Variants in SYNPR observed in about 807,000 individuals in gnomAD.
SYNPR encodes synaptoporin.
A neutral mutation model predicts 32.9 loss-of-function variants in SYNPR; 23 were observed. The observed-to-expected ratio is 0.70, with a 90% CI of 0.50 to 0.99. The LOEUF is 0.99. Ranked by LOEUF, SYNPR falls within the 50% of genes least tolerant of loss-of-function variation. The pLI is 0.00. For missense variants in SYNPR, 318 were observed against 349.3 expected, an observed-to-expected ratio of 0.91 and a Z score of 0.71; for synonymous variants, 146 against 135.9, an observed-to-expected ratio of 1.07 and a Z score of -0.52.
chr3:63,296,902 T>G (rs1373391628), intron 2 of SYNPR, among the ~76,000 whole-genome samples: 1 of 152,204 alleles, frequency 6.6e-6, no homozygotes, highest in Non-Finnish European at 1.5e-5. Flanking sequence ...ATATCCTCAC[T>G]GTTCAAAACC....
intron 2 of SYNPR, among the ~76,000 whole-genome samples, chr3:63,415,487 G>A (rs1427588676): frequency 6.6e-6 from 1 of 151,962 alleles, no homozygotes; most frequent in Non-Finnish European, 1.5e-5. Flanking sequence ...GATCATATGT[G>A]ACAGTTTTTT....
intron 4 of SYNPR, among the ~76,000 whole-genome samples, chr3:63,582,189 A>G (rs1302233298): frequency 2.6e-5 from 4 of 152,136 alleles, no homozygotes; most frequent in African/African-American, 9.7e-5. Context: ...CTGGAATAAT[A>G]TTATGAGAAG....
intron 3 of SYNPR, among the ~76,000 whole-genome samples, chr3:63,524,658 G>C (rs900016670): frequency 6.6e-6 from 1 of 152,124 alleles, no homozygotes; most frequent in African/African-American, 2.4e-5. Context: ...ACACTGAGGG[G>C]TGTCATCCTC....
chr3:63,226,702 G>A (rs2086130868), upstream of SYNPR, among the ~76,000 whole-genome samples: 1 of 152,156 alleles, frequency 6.6e-6, no homozygotes, highest in African/African-American at 2.4e-5. Flanking sequence ...GTTGGGGAAT[G>A]CTGGGAGAGT....
At chr3:63,444,518 A>G (rs1280239223) in intron 2 of SYNPR, among the ~76,000 whole-genome samples, 1 of 152,190 alleles carries the variant, frequency 6.6e-6, no homozygotes, top group Admixed American at 6.5e-5. Flanking sequence ...TGAAAGTTAA[A>G]GGCACCATGG....
chr3:63,460,141 A>G (rs923301597), intron 2 of SYNPR, among the ~76,000 whole-genome samples: 1 of 152,086 alleles, frequency 6.6e-6, no homozygotes, highest in African/African-American at 2.4e-5. Context: ...TGCTTAACAC[A>G]TTTGAGTAAA....
intron 3 of SYNPR, among the ~76,000 whole-genome samples, chr3:63,271,086 T>G (rs1166088109): frequency 2.0e-5 from 3 of 152,034 alleles, no homozygotes; most frequent in Admixed American, 6.6e-5. Context: ...GTTTATCATT[T>G]TAATCTGTTT....
At chr3:63,421,460 CATT>C (rs1699796749) in intron 2 of SYNPR, among the ~76,000 whole-genome samples, 1 of 149,880 alleles carries the variant, frequency 6.7e-6, no homozygotes, top group African/African-American at 2.4e-5. Context: ...TCTCAAAAAT[CATT>C]ATGCTGAGTG....
chr3:63,301,210 T>A (rs1373010326), intron 2 of SYNPR, among the ~76,000 whole-genome samples: 1 of 152,144 alleles, frequency 6.6e-6, no homozygotes, highest in African/African-American at 2.4e-5. Context: ...GTATTACCGT[T>A]ATAAGTTGGA....
intron 2 of SYNPR, among the ~76,000 whole-genome samples, chr3:63,347,623 C>T (rs531727992): frequency 7.2e-5 from 11 of 152,110 alleles, no homozygotes; most frequent in African/African-American, 1.2e-4. Context: ...TCTCATCCCT[C>T]ACCCTCCACC....
intron 4 of SYNPR, among the ~76,000 whole-genome samples, chr3:63,599,311 G>A (rs1056057458): frequency 6.6e-6 from 1 of 152,088 alleles, no homozygotes; most frequent in African/African-American, 2.4e-5. Context: ...GTCTGTCCTA[G>A]GCCTTCACAT....
intron 2 of SYNPR, among the ~76,000 whole-genome samples, chr3:63,467,933 C>A (rs1361307967): frequency 6.6e-6 from 1 of 152,088 alleles, no homozygotes; most frequent in Non-Finnish European, 1.5e-5. Context: ...GGCACGGTGG[C>A]TCACACCTGT....
At chr3:63,218,114 C>T in the SYNPR span, among the ~76,000 whole-genome samples, 67,062 of 151,980 alleles carry the variant, frequency 0.44, 15,369 homozygotes, top group African/African-American at 0.54. Context: ...GCCTGAGTAA[C>T]AGAGCAAGAC....
rs528631108 is a variant in SYNPR at position 63,253,924 on chromosome 3, C to A, written n.154+1338C>A. On this transcript the variant is annotated intron_variant and non_coding_transcript_variant, in intron 2 of 4. Transcript: ENST00000478456. ...AAAGACTTGGAACCAACCCAAATGT[C>A]CAACAATGATAGACTGGATTAAGAA... Among the ~76,000 whole-genome samples, 17 of 152,260 alleles carry A rather than the reference C, an allele frequency of 1.1e-4. No homozygotes were observed. In the East Asian group the frequency reaches 1.9e-3, roughly 17 times the overall value.
At chr3:63,488,144 G>T (rs912532386) in intron 3 of SYNPR, among the ~76,000 whole-genome samples, 20 of 152,094 alleles carry the variant, frequency 1.3e-4, no homozygotes, top group Non-Finnish European at 2.5e-4. Flanking sequence ...TATTTTTTCG[G>T]TTTTTACCAT....
At position 63,278,311 on chromosome 3, in the gene SYNPR, C is replaced by A. The variant is rs965194981; in HGVS notation, c.-223C>A. The A allele has an allele frequency of 1.7e-6, 1 of 589,814 alleles. No individual in the cohort carries two copies. Among genetic ancestry groups the A allele is most frequent in the Admixed American group, 3.1e-5 (1 of 31,824 alleles). The allele number at this position is 589,814 out of a possible 1,614,324, so 36.5% of individuals were successfully genotyped here. On this transcript the variant is annotated 5_prime_UTR_variant, in exon 1 of 6. Transcript: ENST00000478300. The stretch of plus-strand genomic sequence containing the variant: ...CTGCCCCAGCTCTTCCCTGCCCACC[C>A]CTCGCTGACTCGCTTCGCTTCCCCG...
chr3:63,386,087 G>T (rs894794972), intron 2 of SYNPR, among the ~76,000 whole-genome samples: 2 of 152,188 alleles, frequency 1.3e-5, no homozygotes, highest in African/African-American at 4.8e-5. Flanking sequence ...TATGGTCAGT[G>T]CTAATTATTT....
At chr3:63,615,082 G>C in intron 5 of SYNPR, 142 bp from the exon 6 acceptor site, 2 of 996,174 alleles carry the variant, frequency 2.0e-6, no homozygotes, top group Admixed American at 2.9e-5. Flanking sequence ...ATGAAATACC[G>C]GTTCCAAATG....
At chr3:63,313,370 C>T (rs1236549300) in intron 2 of SYNPR, among the ~76,000 whole-genome samples, 2 of 151,670 alleles carry the variant, frequency 1.3e-5, no homozygotes, top group Non-Finnish European at 2.9e-5. Context: ...CCCGCTCCCA[C>T]TCTTTCCTCC....
Sources: allele counts gnomAD v4.1 joint callset (sites outside exome capture counted in the v4.1 genomes callset), GRCh38; gene constraint gnomAD v4.1.1; transcripts MANE v1.5; gene names NCBI Gene and HGNC (gene_info 2026-07-23, HGNC 2026-07-21).